Variants in TNRC6C observed in about 807,000 individuals in gnomAD.
TNRC6C encodes trinucleotide repeat-containing gene 6C protein.
TNRC6C carries 20 observed loss-of-function variants against 153.7 expected under a neutral mutation model. The ratio of observed to expected loss-of-function variants is 0.13; its 90% CI spans 0.09 to 0.19. The LOEUF (loss-of-function observed/expected upper bound fraction) is 0.19, where lower values mean the gene tolerates loss of function less well. TNRC6C is among the 10% of genes least tolerant of loss of function. The pLI, the probability that TNRC6C is intolerant of heterozygous loss-of-function variation, is 1.00. For missense variants in TNRC6C, 1,987 were observed against 2,172.0 expected, an observed-to-expected ratio of 0.91 and a Z score of 1.69; for synonymous variants, 811 against 841.4, an observed-to-expected ratio of 0.96 and a Z score of 0.63.
At chr17:77,959,627 C>T (rs1301195612) in intron 1 of TNRC6C, among the ~76,000 whole-genome samples, 2 of 152,118 alleles carry the variant, frequency 1.3e-5, no homozygotes, top group Admixed American at 6.5e-5. Context: ...ATGGCAGGCG[C>T]GAACCCGCCG....
chr17:78,059,884 C>T (rs1435131383), intron 3 of TNRC6C, among the ~76,000 whole-genome samples: 2 of 151,416 alleles, frequency 1.3e-5, no homozygotes, highest in African/African-American at 2.4e-5. Context: ...ATATAGTGTG[C>T]CCCCCGCCAC....
intron 1 of TNRC6C, among the ~76,000 whole-genome samples, chr17:77,988,659 A>G (rs899155539): frequency 2.0e-5 from 3 of 152,248 alleles, no homozygotes; most frequent in Admixed American, 2.0e-4. Context: ...AAACTGCTTC[A>G]GTGGAATTTG....
chr17:77,997,412 C>T (rs1471055903), intron 1 of TNRC6C, among the ~76,000 whole-genome samples: 2 of 152,184 alleles, frequency 1.3e-5, no homozygotes, highest in Non-Finnish European at 2.9e-5. Flanking sequence ...AATCCCAGTG[C>T]TGCTCTGAAG....
At chr17:78,098,038 A>T (rs2073520351) in intron 16 of TNRC6C, among the ~76,000 whole-genome samples, 177 bp downstream of exon 19, 2 of 152,358 alleles carry the variant, frequency 1.3e-5, no homozygotes, top group Non-Finnish European at 2.9e-5. Flanking sequence ...CGCTGGGCAC[A>T]TCAGCTTGCA....
exon 16 of TNRC6C, chr17:78,093,728 T>C: frequency 6.2e-7 from 1 of 1,613,924 alleles, no homozygotes; most frequent in Non-Finnish European, 8.5e-7. Flanking sequence ...AACACCACCA[T>C]CCAGGATGTC....
intron 1 of TNRC6C, among the ~76,000 whole-genome samples, chr17:77,964,339 T>C (rs766560717): frequency 3.3e-5 from 5 of 152,234 alleles, no homozygotes; most frequent in Admixed American, 1.3e-4. Flanking sequence ...CAGTGTCAAG[T>C]TGAATTATTC....
Position 77,961,786 on chromosome 17 carries a change from C to G in TNRC6C, c.-38+2518C>G, listed in dbSNP as rs540849714. Among the ~76,000 whole-genome samples, 3 of 152,202 alleles carry G rather than the reference C, an allele frequency of 2.0e-5. No individual in the cohort carries two copies. In the South Asian group the frequency reaches 6.2e-4, roughly 32 times the overall value. On this transcript the variant is annotated intron_variant, in intron 1 of 22. Coordinates refer to the TNRC6C transcript ENST00000636222. The stretch of plus-strand genomic sequence containing the variant: ...GGAATGAACTGTTTCGTTTGACATT[C>G]GGTGATTAAAAAATAACTAAGTCAT...
intron 1 of TNRC6C, among the ~76,000 whole-genome samples, chr17:77,984,425 G>A (rs2071129387): frequency 6.6e-6 from 1 of 152,078 alleles, no homozygotes; most frequent in Admixed American, 6.5e-5. Flanking sequence ...CTGCTCCAGA[G>A]GCTAAGGTGG....
At chr17:78,040,750 T>C (rs2072275203) in intron 2 of TNRC6C, among the ~76,000 whole-genome samples, 1 of 152,126 alleles carries the variant, frequency 6.6e-6, no homozygotes, top group Admixed American at 6.5e-5. Flanking sequence ...TTTGTGACAA[T>C]CGAAAGAATT....
intron 16 of TNRC6C, among the ~76,000 whole-genome samples, chr17:78,094,018 C>T (rs1474188662): frequency 2.7e-5 from 4 of 148,964 alleles, no homozygotes; most frequent in African/African-American, 7.4e-5. Context: ...CTCACTCTGT[C>T]GCCCAGGATG....
At chr17:77,988,969 C>G (rs780480941) in intron 1 of TNRC6C, among the ~76,000 whole-genome samples, 1 of 152,144 alleles carries the variant, frequency 6.6e-6, no homozygotes, top group Non-Finnish European at 1.5e-5. Flanking sequence ...ATAGTACACT[C>G]TTAATAAGTA....
At chr17:78,015,699 G>T (rs868527194) in intron 1 of TNRC6C, among the ~76,000 whole-genome samples, 2 of 152,260 alleles carry the variant, frequency 1.3e-5, no homozygotes, top group Middle Eastern at 6.8e-3. Context: ...ATCACCTGAG[G>T]TCAGGAGTTC....
rs537377814 is a variant in TNRC6C, at chr17:78,079,205, C to T, written c.3211-190C>T. Among the ~76,000 whole-genome samples the T allele has an allele frequency of 3.9e-5, 6 of 152,138 alleles. No homozygotes were observed. Among genetic ancestry groups the T allele is most frequent in the East Asian group, 3.9e-4 (2 of 5,170 alleles). ...CAGAGGCTACAGTGAGCCAAGACCG[C>T]GCTACTGCACTCCAGTCTGGGTGAC... On this transcript the variant is annotated intron_variant, in intron 9 of 19. Coordinates refer to ENST00000301624, the Ensembl canonical transcript of TNRC6C. This position sits in a 1 kb window ranked among gnomAD's most constrained non-coding sequence, Gnocchi z 4.3.
chr17:78,048,538 C>A (rs951329391), intron 2 of TNRC6C, among the ~76,000 whole-genome samples: 1 of 152,230 alleles, frequency 6.6e-6, no homozygotes, highest in African/African-American at 2.4e-5. Flanking sequence ...ACTTATCTTT[C>A]AAAGCTGCCT....
intron 1 of TNRC6C, among the ~76,000 whole-genome samples, chr17:77,974,973 A>G (rs1048203879): frequency 6.6e-6 from 1 of 152,124 alleles, no homozygotes; most frequent in African/African-American, 2.4e-5. Flanking sequence ...ACAAATTTGT[A>G]AACAAACATC....
chr17:78,035,704 CTG>C (rs1329436483), intron 2 of TNRC6C, among the ~76,000 whole-genome samples: 4 of 152,168 alleles, frequency 2.6e-5, no homozygotes, highest in African/African-American at 9.7e-5. Flanking sequence ...TCTCATCACT[CTG>C]TGATTTGTGT....
chr17:77,986,426 A>G (rs11077945), intron 1 of TNRC6C, among the ~76,000 whole-genome samples: 45 of 141,028 alleles, frequency 3.2e-4, no homozygotes, highest in African/African-American at 4.5e-4. Context: ...AAAAAAAAAA[A>G]AAGAAGAAGA....
chr17:78,054,089 G>A (rs762840151), intron 3 of TNRC6C, among the ~76,000 whole-genome samples: 4 of 152,140 alleles, frequency 2.6e-5, no homozygotes, highest in Non-Finnish European at 5.9e-5. Context: ...GCATATTACT[G>A]TACTGAATAC....
chr17:78,057,743 T>C lies in TNRC6C; in HGVS notation c.2395+6286T>C, dbSNP rs117177391. On this transcript the variant is annotated intron_variant, in intron 3 of 19. Transcript: ENST00000301624. ...ATAGAATTTTCACTTATGTCAGAGT[T>C]TGGGTTTTAAGTTGTGGATCATTAC... 1.0e-3 allele frequency among the ~76,000 whole-genome samples: 159 copies of C among 152,310 alleles called. No homozygotes were observed. The East Asian group carries it at 0.022, about 21-fold the overall frequency.
Sources: gnomAD v4.1 joint callset for allele counts (sites outside exome capture counted in the v4.1 genomes callset) on GRCh38, gnomAD v4.1.1 for gene constraint, Gnocchi (gnomAD v3.1) non-coding constraint, MANE v1.5 for transcripts, NCBI Gene and HGNC (gene_info 2026-07-23, HGNC 2026-07-21) for gene names.